MIPOL1: variants seen among roughly 807,000 people sequenced by gnomAD.
MIPOL1 encodes the protein mirror-image polydactyly gene 1 protein.
MIPOL1 carries 57 observed loss-of-function variants against 60.9 expected under a neutral mutation model. The observed-to-expected ratio is 0.94, with a 90% confidence interval of 0.76 to 1.17. MIPOL1 has a LOEUF of 1.17. Ranked by LOEUF, MIPOL1 falls within the 50% of genes most tolerant of loss-of-function variation. MIPOL1 has a pLI of 0.00. For synonymous variants in MIPOL1, 179 were observed against 168.8 expected, an observed-to-expected ratio of 1.06 and a Z score of -0.47; for missense variants, 551 against 511.6, an observed-to-expected ratio of 1.08 and a Z score of -0.74.
In MIPOL1 at chr14:37,523,401, A is replaced by T. The variant is rs192338718; in HGVS notation, c.1262+23263A>T. The T allele has an allele frequency of 2.4e-4, 86 of 353,564 alleles. No homozygotes were observed. The East Asian group carries it at 3.2e-3, about 13-fold the overall frequency. The allele number at this position is 353,564 out of a possible 1,614,324, so 21.9% of individuals were successfully genotyped here. On this transcript the variant is annotated intron_variant, in intron 12 of 12. Transcript: ENST00000684589. ...AAAATTTAAACACAAATCATTACAG[A>T]TATCCCAGGAAGTAAATAGATGAGT... is the stretch of plus-strand genomic sequence containing the variant.
rs534106916 is a variant in MIPOL1, at chr14:37,384,304, ATAT to A, written c.936+14684_936+14686del. Among the ~76,000 whole-genome samples, 253 of 152,016 alleles carry A rather than the reference ATAT, an allele frequency of 1.7e-3. 1 individual carries two copies. The highest frequency in any genetic ancestry group is 5.8e-3 in the African/African-American group (239 of 41,552). ...TTATTGATTGCTTCTGCTTAGCCAAATATTATATAGCTCTGATATTAGTTCTTC... is the reference window on the plus strand; with the variant it reads ...TTATTGATTGCTTCTGCTTAGCCAAATATATAGCTCTGATATTAGTTCTTC... On this transcript the variant is annotated intron_variant, in intron 10 of 12. Transcript: ENST00000684589.
chr14:37,454,138 G>A (rs2094451506), intron 11 of MIPOL1, among the ~76,000 whole-genome samples: 2 of 152,294 alleles, frequency 1.3e-5, no homozygotes, highest in African/African-American at 2.4e-5. Flanking sequence ...TTGCCCCAGT[G>A]TCAATATCTG....
At chr14:37,542,021 C>T (rs996560489) in intron 12 of MIPOL1, among the ~76,000 whole-genome samples, 3 of 152,194 alleles carry the variant, frequency 2.0e-5, no homozygotes, top group African/African-American at 7.2e-5. Flanking sequence ...CCTAACCAAG[C>T]TCTTATAAAG....
intron 1 of MIPOL1, among the ~76,000 whole-genome samples, chr14:37,235,220 T>C (rs1971281362): frequency 6.6e-6 from 1 of 152,196 alleles, no homozygotes; most frequent in African/African-American, 2.4e-5. Context: ...TACTTGCTTT[T>C]TATCCCAGTA....
At chr14:37,492,979 A>G (rs1329897677) in intron 11 of MIPOL1, among the ~76,000 whole-genome samples, 1 of 152,182 alleles carries the variant, frequency 6.6e-6, no homozygotes, top group Non-Finnish European at 1.5e-5. Flanking sequence ...GTTGTACCTC[A>G]TCTCTAAATT....
chr14:37,297,214 A>T (rs533876219), intron 7 of MIPOL1, among the ~76,000 whole-genome samples: 2 of 152,364 alleles, frequency 1.3e-5, no homozygotes, highest in Admixed American at 1.3e-4. Context: ...CCACATGATT[A>T]TCTCAATAGA....
intron 9 of MIPOL1, among the ~76,000 whole-genome samples, chr14:37,343,638 G>C (rs1186095663): frequency 6.6e-6 from 1 of 152,142 alleles, no homozygotes; most frequent in East Asian, 1.9e-4. Context: ...TAAAAACTTA[G>C]ACGATGTTAT....
intron 3 of MIPOL1, among the ~76,000 whole-genome samples, chr14:37,258,186 A>T (rs1975276703): frequency 6.6e-6 from 1 of 152,156 alleles, no homozygotes; most frequent in South Asian, 2.1e-4. Flanking sequence ...CCAAATCTAA[A>T]TATATTCTTA....
At chr14:37,285,596 C>CTTTTT in intron 7 of MIPOL1, 149 bp downstream of exon 7, 4 of 612,956 alleles carry the variant, frequency 6.5e-6, no homozygotes, top group Non-Finnish European at 9.7e-6. Context: ...TTTTTCTTTT[C>CTTTTT]TTTTTTTTTT....
chr14:37,362,813 A>G (rs1400879714), intron 9 of MIPOL1, among the ~76,000 whole-genome samples: 1 of 151,394 alleles, frequency 6.6e-6, no homozygotes, highest in Non-Finnish European at 1.5e-5. Flanking sequence ...GTTTCTTTTT[A>G]CTCTTTTTTC....
chr14:37,285,542 T>C, intron 7 of MIPOL1, 95 bp downstream of exon 7: 1 of 1,282,068 alleles, frequency 7.8e-7, no homozygotes, highest in Non-Finnish European at 1.1e-6. Context: ...TGACTTATGC[T>C]TATGTGTTAC....
At chr14:37,413,048 T>G (rs1264162809) in intron 10 of MIPOL1, among the ~76,000 whole-genome samples, 1 of 151,946 alleles carries the variant, frequency 6.6e-6, no homozygotes, top group Non-Finnish European at 1.5e-5. Flanking sequence ...TGTGAAGGAA[T>G]AAAAGAGAGT....
At chr14:37,226,069 A>G (rs187852567) in intron 1 of MIPOL1, among the ~76,000 whole-genome samples, 22 of 152,232 alleles carry the variant, frequency 1.4e-4, no homozygotes, top group African/African-American at 3.9e-4. Context: ...CTAAGCCTGG[A>G]CTTTATTGTC....
At position 37,340,470 on chromosome 14, in the gene MIPOL1, G is replaced by A. The variant is rs951189680; in HGVS notation, c.829-29047G>A. Among the ~76,000 whole-genome samples the A allele has an allele frequency of 2.0e-5, 3 of 152,042 alleles. No homozygotes were observed. In the South Asian group the frequency reaches 6.2e-4, roughly 32 times the overall value. On this transcript the variant is annotated intron_variant, in intron 9 of 12. Coordinates refer to ENST00000684589, the MANE Select transcript of MIPOL1 (RefSeq NM_001388067.1). ...TTACTCCTGTAATCCTAGCACTTTG[G>A]GAGGCCAAGTCGGACGATCCCTTGC...
intron 6 of MIPOL1, among the ~76,000 whole-genome samples, chr14:37,272,604 G>A (rs1176485070): frequency 1.3e-5 from 2 of 151,462 alleles, no homozygotes; most frequent in African/African-American, 4.8e-5. Flanking sequence ...AAACTACCTT[G>A]TCAGTATCTT....
chr14:37,244,822 T>C (rs1227537624), intron 1 of MIPOL1, among the ~76,000 whole-genome samples: 1 of 152,178 alleles, frequency 6.6e-6, no homozygotes, highest in Non-Finnish European at 1.5e-5. Context: ...CAGAAATTAG[T>C]ATTTTATTAG....
intron 9 of MIPOL1, among the ~76,000 whole-genome samples, chr14:37,314,703 A>T (rs945081436): frequency 6.6e-6 from 1 of 152,162 alleles, no homozygotes; most frequent in Non-Finnish European, 1.5e-5. Flanking sequence ...ACTGTATTAC[A>T]GTTAATTGAT....
At chr14:37,404,784 G>C (rs1188031886) in intron 10 of MIPOL1, among the ~76,000 whole-genome samples, 2 of 152,144 alleles carry the variant, frequency 1.3e-5, no homozygotes, top group African/African-American at 2.4e-5. Flanking sequence ...GCAGCTGGCT[G>C]TTGGTTTTAG....
chr14:37,466,451 C>T (rs2094599203), intron 11 of MIPOL1, among the ~76,000 whole-genome samples: 1 of 152,114 alleles, frequency 6.6e-6, no homozygotes, highest in Admixed American at 6.5e-5. Flanking sequence ...TTTTAAGAAT[C>T]CTTTAACATA....
Sources: allele counts gnomAD v4.1 joint callset (sites outside exome capture counted in the v4.1 genomes callset), GRCh38; gene constraint gnomAD v4.1.1; transcripts MANE v1.5; gene names NCBI Gene and HGNC (gene_info 2026-07-23, HGNC 2026-07-21).